Variants in AGMO observed in about 807,000 individuals in gnomAD.
The protein encoded by AGMO is glyceryl-ether monooxygenase.
In AGMO, 75 loss-of-function variants were observed where a neutral mutation model predicts 60.2. The ratio of observed to expected loss-of-function variants is 1.25; its 90% CI spans 1.03 to 1.51. The LOEUF (loss-of-function observed/expected upper bound fraction) is 1.51. Among genes scored for constraint, AGMO ranks in the 40% most tolerant of loss-of-function variants. The pLI, the probability that AGMO is intolerant of heterozygous loss-of-function variation, is 0.00. For missense variants in AGMO, 763 were observed against 525.5 expected, an observed-to-expected ratio of 1.45 and a Z score of -4.42; for synonymous variants, 261 against 177.1, an observed-to-expected ratio of 1.47 and a Z score of -3.76.
At chr7:15,201,558 G>A (rs1452130958) in intron 12 of AGMO, among the ~76,000 whole-genome samples, 199 bp from the exon 13 acceptor site, 1 of 152,078 alleles carries the variant, frequency 6.6e-6, no homozygotes, top group Non-Finnish European at 1.5e-5. Context: ...GACAGGAGCA[G>A]GAGTTAAGAA....
At chr7:15,375,511 C>G (rs1428545359) in intron 10 of AGMO, among the ~76,000 whole-genome samples, 1 of 151,014 alleles carries the variant, frequency 6.6e-6, no homozygotes, top group African/African-American at 2.5e-5. Flanking sequence ...ATTCTCTTGC[C>G]TCAGCCTCCA....
chr7:15,276,891 C>CTTTTTTTTT (rs34137663), intron 12 of AGMO, among the ~76,000 whole-genome samples: 1 of 139,384 alleles, frequency 7.2e-6, no homozygotes, highest in Non-Finnish European at 1.5e-5. Context: ...GCCATTTTTC[C>CTTTTTTTTT]TTTTTTTTTT....
At chr7:15,396,965 G>A (rs1368548663) in intron 5 of AGMO, among the ~76,000 whole-genome samples, 1 of 152,130 alleles carries the variant, frequency 6.6e-6, no homozygotes, top group East Asian at 1.9e-4. Context: ...GCTAATTGGT[G>A]CATTTACAAA....
chr7:15,393,362 T>C (rs34769862), intron 6 of AGMO, among the ~76,000 whole-genome samples: 69,987 of 152,100 alleles, frequency 0.46, 16,178 homozygotes, highest in Middle Eastern at 0.6. Context: ...CTTCCTTCTC[T>C]CAGTATTGTT....
At chr7:15,435,765 A>C (rs574093518) in intron 3 of AGMO, among the ~76,000 whole-genome samples, 1 of 152,308 alleles carries the variant, frequency 6.6e-6, no homozygotes, top group African/African-American at 2.4e-5. Context: ...TATATAACAA[A>C]AAACAAAGGT....
At chr7:15,402,018 A>G (rs12113254) in intron 5 of AGMO, among the ~76,000 whole-genome samples, 32,298 of 152,070 alleles carry the variant, frequency 0.21, 3,645 homozygotes, top group Middle Eastern at 0.28. Context: ...ATTCACTGCC[A>G]CCAGTATTGA....
At chr7:15,296,790 G>C (rs1024755052) in intron 12 of AGMO, among the ~76,000 whole-genome samples, 3 of 152,118 alleles carry the variant, frequency 2.0e-5, no homozygotes, top group Non-Finnish European at 4.4e-5. Context: ...TGTTCAGGAA[G>C]ACCAAATAAC....
chr7:15,553,249 C>G (rs903615663), intron 2 of AGMO, among the ~76,000 whole-genome samples: 5 of 150,574 alleles, frequency 3.3e-5, no homozygotes, highest in Non-Finnish European at 7.4e-5. Context: ...TGCAGCGCAC[C>G]AGCATGGCAC....
intron 3 of AGMO, among the ~76,000 whole-genome samples, chr7:15,543,639 A>G (rs1332393680): frequency 1.3e-5 from 2 of 152,148 alleles, no homozygotes; most frequent in Non-Finnish European, 2.9e-5. Flanking sequence ...TGTGCTGTGA[A>G]GTTTGATATT....
downstream of AGMO, among the ~76,000 whole-genome samples, chr7:15,196,734 T>C (rs1439652402): frequency 2.0e-5 from 3 of 152,196 alleles, no homozygotes; most frequent in South Asian, 2.1e-4. Context: ...GTTTCTGTAA[T>C]GTAAATCAAG....
chr7:15,322,891 T>A (rs1327768292), intron 12 of AGMO, among the ~76,000 whole-genome samples: 1 of 145,528 alleles, frequency 6.9e-6, no homozygotes, highest in Non-Finnish European at 1.5e-5. Context: ...TCTTTCTTGA[T>A]ACAGGAAAAA....
chr7:15,529,710 T>TATTAATTCTATATATAGA, intron 3 of AGMO, among the ~76,000 whole-genome samples: 1 of 112,408 alleles, frequency 8.9e-6, no homozygotes, highest in African/African-American at 3.5e-5. Flanking sequence ...ATATATACTA[T>TATTAATTCTATATATAGA]ATATATACTA....
At chr7:15,250,631 G>T (rs1013602464) in intron 12 of AGMO, among the ~76,000 whole-genome samples, 2 of 151,860 alleles carry the variant, frequency 1.3e-5, no homozygotes, top group African/African-American at 4.8e-5. Context: ...ATATGAAACT[G>T]AAGAAATCTG....
intron 3 of AGMO, among the ~76,000 whole-genome samples, chr7:15,529,139 A>G (rs1287078237): frequency 2.0e-5 from 3 of 152,132 alleles, no homozygotes; most frequent in African/African-American, 7.2e-5. Flanking sequence ...CACTGACAAC[A>G]TTAGATAATA....
At chr7:15,362,324 T>A (rs1437009239) in intron 12 of AGMO, among the ~76,000 whole-genome samples, 1 of 152,146 alleles carries the variant, frequency 6.6e-6, no homozygotes, top group Non-Finnish European at 1.5e-5. Context: ...ACTTTCCAGA[T>A]TAAAAAAAGA....
At chr7:15,162,462 A>C in the AGMO span, among the ~76,000 whole-genome samples, 1 of 152,142 alleles carries the variant, frequency 6.6e-6, no homozygotes, top group East Asian at 1.9e-4. Flanking sequence ...GAAGGCTGGG[A>C]CAGGTGGTTT....
intron 3 of AGMO, among the ~76,000 whole-genome samples, chr7:15,533,159 TA>T (rs773160446): frequency 6.6e-6 from 1 of 152,130 alleles, no homozygotes; most frequent in South Asian, 2.1e-4. Flanking sequence ...TTAGAGTCAC[TA>T]AAAAGATACT....
At chr7:15,442,928 G>A (rs1268132139) in intron 3 of AGMO, among the ~76,000 whole-genome samples, 2 of 152,160 alleles carry the variant, frequency 1.3e-5, no homozygotes, top group Non-Finnish European at 2.9e-5. Flanking sequence ...ATGCTAGCAG[G>A]CAGCAGGCCA....
chr7:15,282,038 C>T (rs1783981693), intron 12 of AGMO, among the ~76,000 whole-genome samples: 1 of 152,094 alleles, frequency 6.6e-6, no homozygotes, highest in South Asian at 2.1e-4. Flanking sequence ...ATTAAATTCA[C>T]ATCTCCAAGG....
Sources: allele counts gnomAD v4.1 joint callset (sites outside exome capture counted in the v4.1 genomes callset), GRCh38; gene constraint gnomAD v4.1.1; transcripts MANE v1.5; gene names NCBI Gene and HGNC (gene_info 2026-07-23, HGNC 2026-07-21).